Variants in OSBPL10 observed in about 807,000 individuals in gnomAD.
OSBPL10 encodes the protein oxysterol binding protein like 10.
In OSBPL10, 49 loss-of-function variants were observed where a neutral mutation model predicts 81.7. The ratio of observed to expected loss-of-function variants is 0.60; its 90% CI spans 0.48 to 0.76. The LOEUF (loss-of-function observed/expected upper bound fraction) is 0.76, where lower values mean the gene tolerates loss of function less well. Ranked by LOEUF, OSBPL10 falls within the 30% of genes least tolerant of loss-of-function variation. The probability of loss-of-function intolerance (pLI) is 0.00; values close to 1 mark genes in which losing one functional copy is unlikely to be tolerated. For synonymous variants in OSBPL10, 419 were observed against 383.6 expected (o/e 1.09, Z -1.08); for missense variants, 923 against 987.8 (o/e 0.93, Z 0.88).
chr3:31,689,698 A>T (rs917079477), intron 7 of OSBPL10, among the ~76,000 whole-genome samples: 1 of 152,174 alleles, frequency 6.6e-6, no homozygotes, highest in Non-Finnish European at 1.5e-5. Flanking sequence ...GGTTTTATAA[A>T]GAGGAGTTTC....
intron 1 of OSBPL10, among the ~76,000 whole-genome samples, chr3:31,912,420 A>G (rs949237628): frequency 1.3e-5 from 2 of 151,976 alleles, no homozygotes; most frequent in Non-Finnish European, 2.9e-5. Context: ...TTAAGGCAAA[A>G]TAGTGATAGT....
At chr3:31,844,261 G>T (rs1430753100) in intron 3 of OSBPL10, among the ~76,000 whole-genome samples, 1 of 152,186 alleles carries the variant, frequency 6.6e-6, no homozygotes, top group Non-Finnish European at 1.5e-5. Flanking sequence ...CAAGTAAGCT[G>T]GCTCAGCCTG....
intron 4 of OSBPL10, among the ~76,000 whole-genome samples, chr3:31,827,329 T>C (rs1362618717): frequency 6.6e-6 from 1 of 151,870 alleles, no homozygotes; most frequent in Non-Finnish European, 1.5e-5. Context: ...CATACGTGTA[T>C]TCATTTACAA....
intron 2 of OSBPL10, among the ~76,000 whole-genome samples, chr3:32,026,113 G>C (rs1423992809): frequency 6.6e-6 from 1 of 150,632 alleles, no homozygotes; most frequent in Non-Finnish European, 1.5e-5. Context: ...TAGAGATAGA[G>C]ATAGAGACAG....
At chr3:31,741,887 C>T (rs1271752473) in intron 5 of OSBPL10, among the ~76,000 whole-genome samples, 1 of 152,204 alleles carries the variant, frequency 6.6e-6, no homozygotes, top group East Asian at 1.9e-4. Context: ...AGTTTCTCTG[C>T]ACAAGCTCTC....
At chr3:31,769,375 A>G (rs55733936) in intron 4 of OSBPL10, among the ~76,000 whole-genome samples, 73,601 of 108,214 alleles carry the variant, frequency 0.68, 25,523 homozygotes, top group East Asian at 0.78. Flanking sequence ...AACCCGGGAG[A>G]CAGAGGTTGC....
intron 1 of OSBPL10, among the ~76,000 whole-genome samples, chr3:31,974,947 A>G (rs978011177): frequency 6.6e-6 from 1 of 152,228 alleles, no homozygotes; most frequent in Non-Finnish European, 1.5e-5. Flanking sequence ...CAACTTTTTC[A>G]AACTGCAAAA....
At chr3:31,793,505 T>TGTAGTTTTAA (rs1302283796) in intron 4 of OSBPL10, among the ~76,000 whole-genome samples, 1 of 152,246 alleles carries the variant, frequency 6.6e-6, no homozygotes, top group African/African-American at 2.4e-5. Context: ...CCTTCAATGC[T>TGTAGTTTTAA]GTGTAGGTTT....
At chr3:31,965,444 T>TTA (rs527397360) in intron 1 of OSBPL10, among the ~76,000 whole-genome samples, 20 of 70,566 alleles carry the variant, frequency 2.8e-4, no homozygotes, top group African/African-American at 2.0e-3. Context: ...ATAATATATA[T>TTA]TATATAATAT....
intron 5 of OSBPL10, among the ~76,000 whole-genome samples, chr3:31,739,626 C>G (rs1697279351): frequency 6.6e-6 from 1 of 152,132 alleles, no homozygotes; most frequent in Non-Finnish European, 1.5e-5. Context: ...GCTCACACAC[C>G]AAAGAAATGC....
At chr3:31,720,985 T>G (rs1047464470) in intron 6 of OSBPL10, among the ~76,000 whole-genome samples, 1 of 151,658 alleles carries the variant, frequency 6.6e-6, no homozygotes, top group Admixed American at 6.6e-5. Context: ...TTGAGTTTGC[T>G]AATCAGCTGA....
At chr3:31,951,439 AAG>A (rs1158067705) in intron 1 of OSBPL10, among the ~76,000 whole-genome samples, 1 of 152,030 alleles carries the variant, frequency 6.6e-6, no homozygotes, top group African/African-American at 2.4e-5. Flanking sequence ...CTTGAAACTC[AAG>A]AGTTAGTGGT....
chr3:32,072,993 C>A lies in OSBPL10; in HGVS notation n.185+4403G>T, dbSNP rs114381016. ...TCAGTGGAACCTTCATACCCCTCAC[C>A]GTCCTCAATCTTCAGGAAAGGTAGA... is the stretch of plus-strand genomic sequence containing the variant. On this transcript the variant is annotated intron_variant and non_coding_transcript_variant, in intron 1 of 3. Coordinates refer to the OSBPL10 transcript ENST00000479173. Among the ~76,000 whole-genome samples the A allele has an allele frequency of 5.5e-4, 83 of 152,198 alleles. 1 individual carries two copies. In the East Asian group the frequency reaches 6.8e-3, roughly 12 times the overall value.
intron 6 of OSBPL10, among the ~76,000 whole-genome samples, chr3:31,728,139 T>C (rs1696866867): frequency 1.3e-5 from 2 of 152,272 alleles, no homozygotes; most frequent in Non-Finnish European, 2.9e-5. Context: ...AGCTAACTTA[T>C]ATGCTGATAT....
intron 7 of OSBPL10, among the ~76,000 whole-genome samples, chr3:31,691,583 T>G (rs1695551312): frequency 6.6e-6 from 1 of 152,112 alleles, no homozygotes; most frequent in Non-Finnish European, 1.5e-5. Context: ...TAGCCAGGTG[T>G]GGTGGTGCAA....
At chr3:31,867,828 A>T (rs995310314) in intron 3 of OSBPL10, among the ~76,000 whole-genome samples, 3 of 152,186 alleles carry the variant, frequency 2.0e-5, no homozygotes, top group Non-Finnish European at 4.4e-5. Context: ...TGACCCAGAC[A>T]GAAGGGCAAG....
At position 31,785,315 on chromosome 3, in the gene OSBPL10, T is replaced by G. The variant is rs182340165; in HGVS notation, c.730-37195A>C. ...GAAAAGTGTATACATATACATAAAC[T>G]AACTGTAACTGAATAAAACACGCTA... On this transcript the variant is annotated intron_variant, in intron 4 of 11. Coordinates refer to ENST00000396556, the MANE Select transcript of OSBPL10 (RefSeq NM_017784.5). Among the ~76,000 whole-genome samples, 88 of 152,292 alleles carry G rather than the reference T, an allele frequency of 5.8e-4. No homozygotes were observed. In the East Asian group the frequency reaches 8.1e-3, roughly 14 times the overall value.
chr3:31,773,533 T>C (rs1698443453), intron 4 of OSBPL10, among the ~76,000 whole-genome samples: 1 of 152,212 alleles, frequency 6.6e-6, no homozygotes, highest in African/African-American at 2.4e-5. Flanking sequence ...TCGTTGTCCC[T>C]GCCACACTGA....
chr3:31,738,122 A>G (rs1291398509), intron 5 of OSBPL10, among the ~76,000 whole-genome samples: 2 of 152,100 alleles, frequency 1.3e-5, no homozygotes, highest in Non-Finnish European at 2.9e-5. Flanking sequence ...ATATAAATAC[A>G]TGTCCTGGGC....
Sources: allele counts gnomAD v4.1 joint callset (sites outside exome capture counted in the v4.1 genomes callset), GRCh38; gene constraint gnomAD v4.1.1; transcripts MANE v1.5; gene names NCBI Gene and HGNC (gene_info 2026-07-23, HGNC 2026-07-21).